Variants in ADAMTS20 observed in about 807,000 individuals in gnomAD.
ADAMTS20 encodes the protein ADAM metallopeptidase with thrombospondin type 1 motif 20.
A neutral mutation model predicts 260.1 loss-of-function variants in ADAMTS20; 225 were observed. That is an observed-to-expected ratio of 0.87 (90% CI 0.78 to 0.97). ADAMTS20 has a LOEUF of 0.97. Ranked by LOEUF, ADAMTS20 falls within the 50% of genes least tolerant of loss-of-function variation. The pLI, the probability that ADAMTS20 is intolerant of heterozygous loss-of-function variation, is 0.00. For synonymous variants in ADAMTS20, 802 were observed against 769.5 expected, an observed-to-expected ratio of 1.04 and a Z score of -0.70; for missense variants, 2,400 against 2,337.7, an observed-to-expected ratio of 1.03 and a Z score of -0.55.
At chr12:43,366,587 A>G (rs572633799) in intron 37 of ADAMTS20, among the ~76,000 whole-genome samples, 3 of 151,902 alleles carry the variant, frequency 2.0e-5, no homozygotes, top group Non-Finnish European at 4.4e-5. Context: ...CAATAAATTT[A>G]GTGGATAAAA....
At chr12:43,520,762 C>T (rs1033163224) in intron 3 of ADAMTS20, among the ~76,000 whole-genome samples, 2 of 152,146 alleles carry the variant, frequency 1.3e-5, no homozygotes, top group African/African-American at 2.4e-5. Flanking sequence ...ATGGTCGTGG[C>T]CATATTTATA....
chr12:43,393,251 A>G (rs1356600795), intron 29 of ADAMTS20, among the ~76,000 whole-genome samples: 1 of 152,190 alleles, frequency 6.6e-6, no homozygotes, highest in South Asian at 2.1e-4. Context: ...AACTAATATA[A>G]GCATGTCAAA....
At chr12:43,535,311 T>C (rs1445484577) in intron 2 of ADAMTS20, among the ~76,000 whole-genome samples, 4 of 152,132 alleles carry the variant, frequency 2.6e-5, no homozygotes, top group African/African-American at 9.7e-5. Flanking sequence ...ATTTCCTACC[T>C]TTGCAAGCTC....
chr12:43,446,560 TA>T, intron 15 of ADAMTS20, 34 bp downstream of exon 15: 1 of 1,548,498 alleles, frequency 6.5e-7, no homozygotes, highest in Non-Finnish European at 8.9e-7. Flanking sequence ...TTATACTAAA[TA>T]AAAGCGAAAT....
chr12:43,526,836 C>T (rs775153715), intron 3 of ADAMTS20, among the ~76,000 whole-genome samples: 1 of 151,736 alleles, frequency 6.6e-6, no homozygotes, highest in African/African-American at 2.4e-5. Context: ...TAACAAAGTT[C>T]AGAGCAAAAC....
At chr12:43,510,196 A>G (rs1486644623) in intron 3 of ADAMTS20, among the ~76,000 whole-genome samples, 1 of 152,102 alleles carries the variant, frequency 6.6e-6, no homozygotes, top group Non-Finnish European at 1.5e-5. Context: ...TTTTGTAAAA[A>G]CAAACTCTTC....
At chr12:43,479,750 A>G (rs1329441707) in intron 7 of ADAMTS20, among the ~76,000 whole-genome samples, 1 of 152,126 alleles carries the variant, frequency 6.6e-6, no homozygotes, top group African/African-American at 2.4e-5. Context: ...CCTGGACATT[A>G]ATCAGTTAAG....
rs557686694 is a variant in ADAMTS20 at position 43,442,536 on chromosome 12, G to T, written c.2290+1255C>A. 9.9e-5 allele frequency among the ~76,000 whole-genome samples: 15 copies of T among 152,224 alleles called. No individual in the cohort carries two copies. In the East Asian group the frequency reaches 2.9e-3, roughly 29 times the overall value. Reference sequence around the variant, plus strand: ...GCCTCCCAAAGTGCTGGGATTACAGGCATGAGCCACCATGCACAGCCAACA... The same window carrying T: ...GCCTCCCAAAGTGCTGGGATTACAGTCATGAGCCACCATGCACAGCCAACA... On this transcript the variant is annotated intron_variant, in intron 16 of 38. Coordinates refer to ENST00000389420, the MANE Select transcript of ADAMTS20 (RefSeq NM_025003.5).
At chr12:43,429,066 T>A (rs1053953761) in intron 24 of ADAMTS20, among the ~76,000 whole-genome samples, 6 of 152,056 alleles carry the variant, frequency 3.9e-5, no homozygotes, top group Non-Finnish European at 8.8e-5. Flanking sequence ...TGCTTAGTTA[T>A]TTGCTAAAAT....
intron 3 of ADAMTS20, among the ~76,000 whole-genome samples, chr12:43,513,612 G>A (rs1342398048): frequency 2.0e-5 from 3 of 152,038 alleles, no homozygotes; most frequent in Non-Finnish European, 4.4e-5. Flanking sequence ...ACATGTACAC[G>A]TATGTTTATT....
chr12:43,480,244 A>C (rs947913373), intron 7 of ADAMTS20, among the ~76,000 whole-genome samples: 6 of 152,184 alleles, frequency 3.9e-5, no homozygotes, highest in Admixed American at 3.9e-4. Flanking sequence ...CTACACTAAA[A>C]GAGAGGAAAA....
In ADAMTS20 at chr12:43,551,858, A is replaced by C; in HGVS notation, c.64T>G (p.Trp22Gly). ...YHLSLFITRS[W>G]EVDFHPRQEA... ...TGCCTGGGGTGGAAGTCAACTTCCC[A>C]AGACCTGGTGATGAAGAGCGAGAGA... The change falls in exon 1 of 39, where the codon TGG (tryptophan) becomes GGG (glycine). Residue 22 changes from tryptophan to glycine, a missense_variant. Transcript: ENST00000389420. This position sits in a 1 kb window ranked among gnomAD's most constrained non-coding sequence, Gnocchi z 4.6. 1 of 1,613,660 alleles carries C rather than the reference A, an allele frequency of 6.2e-7. No individual in the cohort carries two copies. Among genetic ancestry groups the C allele is most frequent in the Non-Finnish European group, 8.5e-7 (1 of 1,179,730 alleles).
intron 3 of ADAMTS20, among the ~76,000 whole-genome samples, chr12:43,524,668 A>C (rs1451777659): frequency 6.6e-6 from 1 of 152,228 alleles, no homozygotes; most frequent in African/African-American, 2.4e-5. Flanking sequence ...AAGAAAAATC[A>C]ATCAGAACTT....
chr12:43,520,768 T>G (rs1375776374), intron 3 of ADAMTS20, among the ~76,000 whole-genome samples: 3 of 152,188 alleles, frequency 2.0e-5, no homozygotes, highest in Non-Finnish European at 4.4e-5. Flanking sequence ...GTGGCCATAT[T>G]TATAATCCTC....
rs1368108650 is a variant in ADAMTS20 at position 43,428,778 on chromosome 12, C to T, written c.3511G>A (p.Gly1171Ser). 1 of 1,606,604 alleles carries T rather than the reference C, an allele frequency of 6.2e-7. No individual in the cohort carries two copies. The highest frequency in any genetic ancestry group is 1.7e-5 in the Admixed American group (1 of 59,662). ...CAGCTTACATAGCGGGCTTGAGTACCTCTTCCACAAGATACGGAGCACTTT... is the reference window on the plus strand; with the variant it reads ...CAGCTTACATAGCGGGCTTGAGTACTTCTTCCACAAGATACGGAGCACTTT... ...WTPCSVSCGR[G>S]TQARYVSCRD... is the part of the protein sequence containing the mutation. Residue 1171 changes from glycine (G) to serine (S), a missense_variant, in exon 25 of 39, where the codon GGT becomes AGT. Gly to Ser is a moderately conservative substitution (Grantham distance 56). Transcript: ENST00000389420.
intron 29 of ADAMTS20, among the ~76,000 whole-genome samples, chr12:43,386,076 C>A (rs1940470048): frequency 1.3e-5 from 2 of 152,020 alleles, no homozygotes; most frequent in Admixed American, 1.3e-4. Flanking sequence ...AGCGGTCTAC[C>A]TATTTTGTTA....
Position 43,377,505 on chromosome 12 carries a change from G to A in ADAMTS20, c.4855C>T (p.Pro1619Ser). The change falls in exon 32 of 39, where the codon CCA (proline) becomes TCA (serine). Residue 1619 changes from proline to serine, a missense_variant. Coordinates refer to ENST00000389420, the MANE Select transcript of ADAMTS20 (RefSeq NM_025003.5). The part of the protein sequence containing the change: ...RQRITYCTEI[P>S]STKKHKLHRL... ...TGGAGCTTATGTTTCTTAGTAGATG[G>A]GATCTCGGTGCAATATGTAATCCTT... is the stretch of plus-strand genomic sequence containing the variant. The A allele has an allele frequency of 6.2e-7, 1 of 1,613,486 alleles. No homozygotes were observed. The highest frequency in any genetic ancestry group is 1.6e-4 in the Middle Eastern group (1 of 6,062).
At chr12:43,412,432 TTA>T (rs1351556656) in intron 28 of ADAMTS20, among the ~76,000 whole-genome samples, 8 of 152,244 alleles carry the variant, frequency 5.3e-5, no homozygotes, top group African/African-American at 1.9e-4. Context: ...TGAATGATCT[TTA>T]GTCCCACAAA....
At chr12:43,371,667 G>A (rs934903259) in intron 36 of ADAMTS20, among the ~76,000 whole-genome samples, 5 of 152,130 alleles carry the variant, frequency 3.3e-5, no homozygotes, top group South Asian at 2.1e-4. Context: ...CAGTAAGTGC[G>A]AAGGCCTTAA....
Sources: allele counts gnomAD v4.1 joint callset (sites outside exome capture counted in the v4.1 genomes callset), GRCh38; gene constraint gnomAD v4.1.1; non-coding constraint Gnocchi (gnomAD v3.1); transcripts MANE v1.5; gene names NCBI Gene and HGNC (gene_info 2026-07-23, HGNC 2026-07-21).